The following OR2C1 variants were observed in gnomAD, a reference collection of about 807,000 sequenced individuals.
OR2C1 encodes the protein olfactory receptor 2C1.
For missense variants in OR2C1, 468 were observed against 388.3 expected (o/e 1.21, Z -1.73); for synonymous variants, 209 against 167.3 (o/e 1.25, Z -1.92).
chr16:3,325,999 C>G, the OR2C1 span, among the ~76,000 whole-genome samples: 1 of 147,858 alleles, frequency 6.8e-6, no homozygotes, highest in Non-Finnish European at 1.5e-5. Flanking sequence ...GGTGCGATCT[C>G]GGCTCAATGC....
At chr16:3,345,523 G>A in the OR2C1 span, among the ~76,000 whole-genome samples, 296 of 151,472 alleles carry the variant, frequency 2.0e-3, 2 homozygotes, top group African/African-American at 6.9e-3. Context: ...TAAGAGGTAT[G>A]GCACTATATG....
the OR2C1 span, among the ~76,000 whole-genome samples, chr16:3,327,346 T>A: frequency 6.6e-6 from 1 of 152,136 alleles, no homozygotes; most frequent in African/African-American, 2.4e-5. Flanking sequence ...TTGTAAGAGA[T>A]AATTCTTGAC....
chr16:3,326,059 T>C, the OR2C1 span, among the ~76,000 whole-genome samples: 1 of 151,548 alleles, frequency 6.6e-6, no homozygotes, highest in Non-Finnish European at 1.5e-5. Flanking sequence ...GTCTCCTGAG[T>C]AGCTGGGATT....
chr16:3,347,471 T>A, the OR2C1 span, among the ~76,000 whole-genome samples: 1 of 151,870 alleles, frequency 6.6e-6, no homozygotes, highest in Non-Finnish European at 1.5e-5. Context: ...ACATACTTTT[T>A]TTTTTTTTGA....
chr16:3,334,139 A>AAT, the OR2C1 span, among the ~76,000 whole-genome samples: 4 of 142,830 alleles, frequency 2.8e-5, no homozygotes, highest in Non-Finnish European at 1.5e-5. Context: ...TGCTTTGCTA[A>AAT]TTTTTTTTTT....
At chr16:3,338,085 C>T in the OR2C1 span, among the ~76,000 whole-genome samples, 4 of 152,150 alleles carry the variant, frequency 2.6e-5, no homozygotes, top group African/African-American at 9.7e-5. Flanking sequence ...TCCCAAAGTG[C>T]TTATCCCAGT....
chr16:3,326,922 T>C, the OR2C1 span, among the ~76,000 whole-genome samples: 1 of 152,188 alleles, frequency 6.6e-6, no homozygotes, highest in African/African-American at 2.4e-5. Context: ...GGATCAAGCA[T>C]CACCTCATAC....
the OR2C1 span, among the ~76,000 whole-genome samples, chr16:3,349,429 C>CTCCAGGG: frequency 6.6e-6 from 1 of 152,164 alleles, no homozygotes; most frequent in African/African-American, 2.4e-5. Flanking sequence ...CCCAGTGCTA[C>CTCCAGGG]TCCAGGGCCA....
At chr16:3,328,811 C>T in the OR2C1 span, among the ~76,000 whole-genome samples, 1,153 of 152,138 alleles carry the variant, frequency 7.6e-3, 13 homozygotes, top group African/African-American at 0.026. Flanking sequence ...GAGAGTGTTG[C>T]CAGAAGTACT....
chr16:3,327,817 G>C, the OR2C1 span, among the ~76,000 whole-genome samples: 3 of 151,912 alleles, frequency 2.0e-5, no homozygotes, highest in Non-Finnish European at 2.9e-5. Flanking sequence ...CCTCAGAAGA[G>C]TTTCTCATTT....
the OR2C1 span, among the ~76,000 whole-genome samples, chr16:3,328,592 G>C: frequency 6.6e-6 from 1 of 152,182 alleles, no homozygotes; most frequent in Non-Finnish European, 1.5e-5. Context: ...AGCTTGGATA[G>C]GTAGCCAGAC....
the OR2C1 span, among the ~76,000 whole-genome samples, chr16:3,349,860 C>G: frequency 6.6e-6 from 1 of 151,358 alleles, no homozygotes; most frequent in African/African-American, 2.4e-5. Flanking sequence ...CAAGATCGTG[C>G]CACTGCACTC....
the OR2C1 span, among the ~76,000 whole-genome samples, chr16:3,329,982 T>C: frequency 6.6e-6 from 1 of 151,694 alleles, no homozygotes; most frequent in Non-Finnish European, 1.5e-5. Context: ...CTCAAACTCC[T>C]GACCTTGTGA....
the OR2C1 span, among the ~76,000 whole-genome samples, chr16:3,337,705 G>C: frequency 2.6e-5 from 4 of 151,888 alleles, no homozygotes; most frequent in Non-Finnish European, 5.9e-5. Context: ...TTTGAATTCT[G>C]GGTCAGAGAG....
chr16:3,338,538 C>CTTTTTTTTTTTTTT, the OR2C1 span, among the ~76,000 whole-genome samples: 373 of 103,274 alleles, frequency 3.6e-3, 37 homozygotes, highest in Middle Eastern at 6.3e-3. Flanking sequence ...GTATAGGTAC[C>CTTTTTTTTTTTTTT]TTTTTTTTTT....
chr16:3,347,834 ACATACACACATGCACACG>A, the OR2C1 span, among the ~76,000 whole-genome samples: 24 of 53,544 alleles, frequency 4.5e-4, no homozygotes, highest in Admixed American at 6.8e-3. Flanking sequence ...ACATGCACAC[ACATACACACATGCACACG>A]CACACACGCG....
upstream of OR2C1, among the ~76,000 whole-genome samples, chr16:3,354,233 C>G (rs1403139868): frequency 2.6e-5 from 4 of 152,224 alleles, no homozygotes; most frequent in Non-Finnish European, 5.9e-5. Flanking sequence ...GATCTGCCCA[C>G]TTTGACCTCC....
chr16:3,356,516 A>G lies in OR2C1; in HGVS notation c.576A>G (p.Thr192=), dbSNP rs11643487. 551,434 of 1,613,786 alleles carry G rather than the reference A, an allele frequency of 0.34. 95,634 individuals are homozygous for G. Among genetic ancestry groups the G allele is most frequent in the African/African-American group, 0.43 (32,576 of 74,926 alleles). The change falls in exon 1 of 1, where the codon ACA becomes ACG. Residue 192 remains threonine (T), a synonymous_variant. Transcript: ENST00000304936. ...PAMIKLACGD[T]SLNQAVLNGV... ...TGATCAAACTGGCCTGTGGCGACAC[A>G]AGTCTCAACCAGGCTGTGCTCAATG... is the stretch of plus-strand genomic sequence containing the variant.
chr16:3,356,917 T>G lies in OR2C1; in HGVS notation c.*38T>G. 1 of 1,443,746 alleles carries G rather than the reference T, an allele frequency of 6.9e-7. No individual in the cohort carries two copies. Among genetic ancestry groups the G allele is most frequent in the Non-Finnish European group, 9.3e-7 (1 of 1,076,624 alleles). 89.4% of individuals were successfully genotyped at this position (1,443,746 alleles called of 1,614,324 possible). A position where few individuals can be genotyped will look rare whatever the true frequency, so the allele number is the denominator to read the frequency against. On this transcript the variant is annotated 3_prime_UTR_variant, in exon 1 of 1. Transcript: ENST00000304936. ...TCGTTATTTATTGCGTCTTCATCTC[T>G]ACATGCGTTTCTCATTAACTCTCTC...
Sources: allele counts gnomAD v4.1 joint callset (sites outside exome capture counted in the v4.1 genomes callset), GRCh38; gene constraint gnomAD v4.1.1; transcripts MANE v1.5; gene names NCBI Gene and HGNC (gene_info 2026-07-23, HGNC 2026-07-21).